SKA2: variants seen among roughly 807,000 people sequenced by gnomAD.
SKA2 encodes spindle and kinetochore-associated protein 2.
In SKA2, 13 loss-of-function variants were observed where a neutral mutation model predicts 16.9. The observed-to-expected ratio is 0.77, with a 90% confidence interval of 0.50 to 1.22. The LOEUF (loss-of-function observed/expected upper bound fraction) is 1.22. Among genes scored for constraint, SKA2 ranks in the 50% most tolerant of loss-of-function variants. The probability of loss-of-function intolerance (pLI) is 0.00; values close to 1 mark genes in which losing one functional copy is unlikely to be tolerated. For synonymous variants in SKA2, 47 were observed against 48.5 expected, an observed-to-expected ratio of 0.97 and a Z score of 0.13; for missense variants, 107 against 139.7, an observed-to-expected ratio of 0.77 and a Z score of 1.18.
chr17:59,153,211 A>T (rs1309037668), intron 1 of SKA2, among the ~76,000 whole-genome samples: 1 of 152,226 alleles, frequency 6.6e-6, no homozygotes, highest in Non-Finnish European at 1.5e-5. Context: ...ATGAATTATG[A>T]ATTTAAGCAG....
chr17:59,135,310 CTTTTTTT>C (rs71145527), intron 1 of SKA2, among the ~76,000 whole-genome samples: 1 of 126,128 alleles, frequency 7.9e-6, no homozygotes. Flanking sequence ...ACTAAACTGT[CTTTTTTT>C]TTTTTTTTTT....
At chr17:59,149,226 A>C (rs906101034) in intron 1 of SKA2, among the ~76,000 whole-genome samples, 4 of 152,176 alleles carry the variant, frequency 2.6e-5, no homozygotes, top group Admixed American at 6.5e-5. Context: ...CCACACAAAG[A>C]CATACTCATG....
intron 1 of SKA2, among the ~76,000 whole-genome samples, chr17:59,133,757 C>A (rs1289595459): frequency 6.6e-6 from 1 of 152,128 alleles, no homozygotes; most frequent in Non-Finnish European, 1.5e-5. Flanking sequence ...TTTCTCTTAT[C>A]ATTGACCTAA....
At chr17:59,119,701 G>A (rs1568301733) in intron 2 of SKA2, among the ~76,000 whole-genome samples, 1 of 152,064 alleles carries the variant, frequency 6.6e-6, no homozygotes, top group African/African-American at 2.4e-5. Flanking sequence ...GGAATTTATA[G>A]CCTAGGTACA....
intron 2 of SKA2, among the ~76,000 whole-genome samples, chr17:59,127,945 C>T (rs941795622): frequency 2.6e-5 from 4 of 151,962 alleles, no homozygotes; most frequent in Non-Finnish European, 2.9e-5. Flanking sequence ...GGGCCGGGCA[C>T]GGTGGCTCAC....
At chr17:59,137,869 C>A in intron 1 of SKA2, 1 of 500,196 alleles carries the variant, frequency 2.0e-6, no homozygotes, top group Non-Finnish European at 4.0e-6. Flanking sequence ...TGGTGATAAA[C>A]AGAATTTTTT....
At chr17:59,153,264 GCAAGATAGTCTTAA>G in intron 1 of SKA2, among the ~76,000 whole-genome samples, 1 of 152,290 alleles carries the variant, frequency 6.6e-6, no homozygotes, top group Non-Finnish European at 1.5e-5. Context: ...TGGGAGAAGG[GCAAGATAGTCTTAA>G]CATTTAAGCC....
intron 3 of SKA2, among the ~76,000 whole-genome samples, chr17:59,118,518 G>A (rs997666430): frequency 2.0e-5 from 3 of 152,188 alleles, no homozygotes; most frequent in Non-Finnish European, 4.4e-5. Flanking sequence ...ACAAGGTTAT[G>A]TGCTCTATTG....
chr17:59,155,150 A>G lies in SKA2; in HGVS notation c.14T>C (p.Val5Ala), dbSNP rs769540487. MEAE[V>A]DKLELMFQKA... is the part of the protein sequence containing the mutation. ...ACTCACCATCAGTTCCAGCTTATCG[A>G]CCTCCGCCTCCATGTTGAATAGTTG... The change falls in exon 1 of 4, where the codon GTC becomes GCC. Residue 5 changes from valine to alanine, a missense_variant. Val to Ala is a moderately conservative substitution (Grantham distance 64, BLOSUM62 0). Transcript: ENST00000330137. The G allele has an allele frequency of 9.3e-6, 15 of 1,613,464 alleles. No homozygotes were observed. The highest frequency in any genetic ancestry group is 1.2e-5 in the Non-Finnish European group (14 of 1,179,808).
At chr17:59,123,017 G>A (rs1302120199) in intron 2 of SKA2, among the ~76,000 whole-genome samples, 21 of 112,180 alleles carry the variant, frequency 1.9e-4, no homozygotes, top group African/African-American at 6.5e-4. Context: ...GCAAAACCTT[G>A]TCTCAAAAAA....
intron 3 of SKA2, chr17:59,117,874 T>TA (rs1392527165): frequency 6.6e-6 from 1 of 152,216 alleles, no homozygotes; most frequent in Non-Finnish European, 1.5e-5. Context: ...TGATCCAAAG[T>TA]AAAAGCTCCC....
At chr17:59,132,307 GATT>G (rs2046416566) in intron 1 of SKA2, among the ~76,000 whole-genome samples, 2 of 151,196 alleles carry the variant, frequency 1.3e-5, no homozygotes, top group Non-Finnish European at 2.9e-5. Flanking sequence ...AGTAAGCCAA[GATT>G]GCACCATTGC....
chr17:59,141,621 C>A (rs1340592389), intron 1 of SKA2, among the ~76,000 whole-genome samples: 1 of 151,140 alleles, frequency 6.6e-6, no homozygotes, highest in Non-Finnish European at 1.5e-5. Flanking sequence ...GTCCCAGCTA[C>A]GCAGGAGGCT....
rs1329689930 is a variant in SKA2 at position 59,110,892 on chromosome 17, T to G, written c.*1385A>C. 1 of 152,134 alleles carries G rather than the reference T, an allele frequency of 6.6e-6. No individual in the cohort carries two copies. Among genetic ancestry groups the G allele is most frequent in the African/African-American group, 2.4e-5 (1 of 41,422 alleles). 9.4% of individuals were successfully genotyped at this position (152,134 alleles called of 1,614,324 possible). ...TCTCACAACCCTGTTTTTCAGCTAT[T>G]ATAAGTTTGTTAATGGACAAACATG... On this transcript the variant is annotated 3_prime_UTR_variant, in exon 4 of 4. Transcript: ENST00000330137.
At chr17:59,154,172 GAAAAAA>G (rs111310705) in intron 1 of SKA2, among the ~76,000 whole-genome samples, 1 of 114,856 alleles carries the variant, frequency 8.7e-6, no homozygotes, top group Non-Finnish European at 1.8e-5. Flanking sequence ...CCCAACCTGG[GAAAAAA>G]AAAAAAAAAG....
chr17:59,137,783 C>T (rs777842060), intron 1 of SKA2: 1 of 530,296 alleles, frequency 1.9e-6, no homozygotes, highest in South Asian at 1.4e-5. Context: ...TTCCAAACAC[C>T]AAAACCCTAT....
chr17:59,153,627 T>C (rs1256106456), intron 1 of SKA2, among the ~76,000 whole-genome samples: 1 of 152,164 alleles, frequency 6.6e-6, no homozygotes, highest in African/African-American at 2.4e-5. Context: ...TCACCACCCA[T>C]CCTTTCCAAG....
At chr17:59,154,842 G>A (rs375665334) in intron 1 of SKA2, 1 of 1,126,204 alleles carries the variant, frequency 8.9e-7, no homozygotes, top group Non-Finnish European at 1.3e-6. Context: ...TGCACCCGGC[G>A]CAGTTTCGTA....
chr17:59,146,222 G>C (rs1305976747), intron 1 of SKA2, among the ~76,000 whole-genome samples: 2 of 152,076 alleles, frequency 1.3e-5, no homozygotes, highest in Admixed American at 6.6e-5. Flanking sequence ...ACTACACCAG[G>C]CTCGGTGGCT....
Sources: allele counts gnomAD v4.1 joint callset (sites outside exome capture counted in the v4.1 genomes callset), GRCh38; gene constraint gnomAD v4.1.1; transcripts MANE v1.5; gene names NCBI Gene and HGNC (gene_info 2026-07-23, HGNC 2026-07-21).